Variants in XRRA1 observed in about 807,000 individuals in gnomAD.
XRRA1 encodes the protein X-ray radiation resistance associated 1, also known as X-ray radiation resistance-associated protein 1.
XRRA1 carries 69 observed loss-of-function variants against 80.2 expected under a neutral mutation model. The observed-to-expected ratio is 0.86, with a 90% CI of 0.71 to 1.05. The LOEUF (loss-of-function observed/expected upper bound fraction) is 1.05, where lower values mean the gene tolerates loss of function less well. XRRA1 is among the 50% of genes least tolerant of loss of function. The pLI is 0.00. For synonymous variants in XRRA1, 348 were observed against 389.9 expected, an observed-to-expected ratio of 0.89 and a Z score of 1.27; for missense variants, 967 against 976.4, an observed-to-expected ratio of 0.99 and a Z score of 0.13.
chr11:74,886,198 C>T (rs999273947), intron 10 of XRRA1, among the ~76,000 whole-genome samples: 1 of 152,114 alleles, frequency 6.6e-6, no homozygotes, highest in South Asian at 2.1e-4. Context: ...TATAGCACTG[C>T]AAGTCCTAGC....
intron 1 of XRRA1, among the ~76,000 whole-genome samples, chr11:74,945,753 TC>T (rs1591686627): frequency 1.3e-5 from 2 of 152,242 alleles, no homozygotes; most frequent in South Asian, 2.1e-4. Flanking sequence ...CTAATGCCAA[TC>T]TGACTGTAGC....
At chr11:74,943,589 G>A (rs1425153590) in intron 2 of XRRA1, among the ~76,000 whole-genome samples, 3 of 150,184 alleles carry the variant, frequency 2.0e-5, no homozygotes, top group Admixed American at 6.7e-5. Context: ...GAGAGAGAGA[G>A]TGCACCTGCT....
intron 3 of XRRA1, among the ~76,000 whole-genome samples, chr11:74,940,199 C>G (rs1304603589): frequency 6.6e-6 from 1 of 152,150 alleles, no homozygotes; most frequent in Non-Finnish European, 1.5e-5. Flanking sequence ...ATTCCCTGCT[C>G]CAGGGAAGTT....
At chr11:74,844,052 G>A (rs2037270660) in intron 17 of XRRA1, 93 bp from the exon 18 acceptor site, 1 of 1,445,722 alleles carries the variant, frequency 6.9e-7, no homozygotes, top group Non-Finnish European at 9.7e-7. Context: ...AGGCTGGGGG[G>A]CATCTGGGGG....
At chr11:74,890,665 TAAAG>T (rs1414623584) in intron 10 of XRRA1, among the ~76,000 whole-genome samples, 2 of 151,690 alleles carry the variant, frequency 1.3e-5, no homozygotes, top group Non-Finnish European at 2.9e-5. Flanking sequence ...GCAAGACTAA[TAAAG>T]AAGAAAAGAG....
At chr11:74,868,741 A>G (rs545474952) in intron 10 of XRRA1, among the ~76,000 whole-genome samples, 1 of 145,944 alleles carries the variant, frequency 6.9e-6, no homozygotes, top group African/African-American at 2.5e-5. Flanking sequence ...AACAAAGATT[A>G]AAAAAAAAAA....
chr11:74,868,196 G>A (rs990639516), intron 10 of XRRA1, among the ~76,000 whole-genome samples: 2 of 152,170 alleles, frequency 1.3e-5, no homozygotes, highest in African/African-American at 2.4e-5. Flanking sequence ...TAGGATTACA[G>A]GTATGAGCCA....
intron 1 of XRRA1, among the ~76,000 whole-genome samples, chr11:74,947,556 T>C (rs1401899155): frequency 1.3e-5 from 2 of 151,614 alleles, no homozygotes; most frequent in Non-Finnish European, 2.9e-5. Context: ...AAAAATAAAA[T>C]AAAAAGTGAC....
chr11:74,879,591 G>A (rs2046968861), intron 10 of XRRA1, among the ~76,000 whole-genome samples: 1 of 152,050 alleles, frequency 6.6e-6, no homozygotes, highest in Non-Finnish European at 1.5e-5. Flanking sequence ...GTATGATATT[G>A]GCTGTGGGTT....
intron 10 of XRRA1, chr11:74,877,027 A>C (rs192798608): frequency 6.6e-6 from 1 of 152,308 alleles, no homozygotes; most frequent in East Asian, 1.9e-4. Context: ...CCTTGTGTAA[A>C]TTGTTATACT....
intron 10 of XRRA1, among the ~76,000 whole-genome samples, chr11:74,890,655 G>A (rs2050413847): frequency 1.3e-5 from 2 of 151,824 alleles, no homozygotes; most frequent in South Asian, 2.1e-4. Context: ...TAGACCGCTA[G>A]CAAGACTAAT....
rs1301820584 is a variant in XRRA1 at position 74,907,180 on chromosome 11, G to T, written c.750C>A (p.Asn250Lys). 6.2e-7 allele frequency: 1 copy of T among 1,613,988 alleles called. No individual in the cohort carries two copies. Among genetic ancestry groups the T allele is most frequent in the East Asian group, 2.2e-5 (1 of 44,884 alleles). The change falls in exon 9 of 19, where the codon AAC (asparagine) becomes AAA (lysine). Residue 250 changes from asparagine (N) to lysine (K), a missense_variant. Asn to Lys is a moderately conservative substitution (Grantham distance 94). Transcript: ENST00000684022. ...CAGCCAGGCTGGCAAAGCAACTGGG[G>T]TTGGAGAGTCTGTTGTCATCCAGCA... ...TLMLDDNRLSNPSCFASLAGL... is the reference protein window; with the variant it reads ...TLMLDDNRLSKPSCFASLAGL...
chr11:74,948,443 C>T (rs1948095187), intron 1 of XRRA1, among the ~76,000 whole-genome samples: 1 of 152,202 alleles, frequency 6.6e-6, no homozygotes, highest in Non-Finnish European at 1.5e-5. Flanking sequence ...CTATCTTGAT[C>T]CCCTGTATCC....
intron 10 of XRRA1, among the ~76,000 whole-genome samples, chr11:74,866,132 T>G (rs569451843): frequency 6.6e-6 from 1 of 152,216 alleles, no homozygotes; most frequent in African/African-American, 2.4e-5. Context: ...CAGGGAAATA[T>G]GACGTCACCA....
rs900956096 is a variant in XRRA1, at chr11:74,907,519, A to G, written c.657-246T>C. Among the ~76,000 whole-genome samples, 3 of 152,220 alleles carry G rather than the reference A, an allele frequency of 2.0e-5. No individual in the cohort carries two copies. The South Asian group carries it at 6.2e-4, about 32-fold the overall frequency. ...TGGAGAAAGGTTACACACATCATTG[A>G]AACCAGGTTAGGGCAGGATGGGGGA... On this transcript the variant is annotated intron_variant, in intron 8 of 18. Coordinates refer to ENST00000684022, the MANE Select transcript of XRRA1 (RefSeq NM_001378157.1).
intron 12 of XRRA1, among the ~76,000 whole-genome samples, chr11:74,856,591 AT>A (rs1565242048): frequency 6.6e-6 from 1 of 152,194 alleles, no homozygotes; most frequent in African/African-American, 2.4e-5. Context: ...TTAAGAAGAA[AT>A]CAGGTAAAAA....
intron 10 of XRRA1, among the ~76,000 whole-genome samples, chr11:74,903,580 G>T (rs1428927779): frequency 6.6e-6 from 1 of 152,192 alleles, no homozygotes; most frequent in Admixed American, 6.5e-5. Flanking sequence ...GCGGGCGCTT[G>T]TAGTCCCAGG....
At chr11:74,924,473 CAA>C (rs113377290) in intron 7 of XRRA1, among the ~76,000 whole-genome samples, 18 of 96,058 alleles carry the variant, frequency 1.9e-4, no homozygotes, top group Admixed American at 2.2e-4. Flanking sequence ...AACTCCGTCT[CAA>C]AAAAAAAAAA....
chr11:74,897,122 A>G (rs1321181347), intron 10 of XRRA1, among the ~76,000 whole-genome samples: 1 of 152,026 alleles, frequency 6.6e-6, no homozygotes, highest in African/African-American at 2.4e-5. Flanking sequence ...GAAATTCAAG[A>G]TAACACAAAG....
Sources: gnomAD v4.1 joint callset for allele counts (sites outside exome capture counted in the v4.1 genomes callset) on GRCh38, gnomAD v4.1.1 for gene constraint, MANE v1.5 for transcripts, NCBI Gene and HGNC (gene_info 2026-07-23, HGNC 2026-07-21) for gene names.